DESI2: variants seen among roughly 807,000 people sequenced by gnomAD.
DESI2 encodes desumoylating isopeptidase 2.
DESI2 carries 10 observed loss-of-function variants against 24.1 expected under a neutral mutation model. The ratio of observed to expected loss-of-function variants is 0.41; its 90% CI spans 0.26 to 0.70. The LOEUF (loss-of-function observed/expected upper bound fraction) is 0.70, where lower values mean the gene tolerates loss of function less well. DESI2 is among the 30% of genes least tolerant of loss of function. DESI2 has a pLI of 0.29. For missense variants in DESI2, 122 were observed against 234.9 expected, an observed-to-expected ratio of 0.52 and a Z score of 3.14; for synonymous variants, 71 against 87.7, an observed-to-expected ratio of 0.81 and a Z score of 1.06.
At chr1:244,690,897 G>A (rs1006485097) in intron 3 of DESI2, among the ~76,000 whole-genome samples, 1 of 152,170 alleles carries the variant, frequency 6.6e-6, no homozygotes, top group South Asian at 2.1e-4. Flanking sequence ...TCACTGAATT[G>A]AAAGATTTTC....
intron 1 of DESI2, among the ~76,000 whole-genome samples, chr1:244,663,068 AAAC>A (rs1428115723): frequency 2.6e-5 from 4 of 152,322 alleles, no homozygotes; most frequent in Admixed American, 1.3e-4. Flanking sequence ...ACTAAAGAGA[AAAC>A]AACAAGATTT....
At chr1:244,655,744 C>T (rs1420333434) in intron 1 of DESI2, among the ~76,000 whole-genome samples, 1 of 152,172 alleles carries the variant, frequency 6.6e-6, no homozygotes, top group Non-Finnish European at 1.5e-5. Flanking sequence ...GAACAATTGA[C>T]GTGAACAAAA....
chr1:244,656,921 C>T (rs1214797005), intron 1 of DESI2, among the ~76,000 whole-genome samples: 1 of 152,052 alleles, frequency 6.6e-6, no homozygotes, highest in African/African-American at 2.4e-5. Flanking sequence ...ATTACAGGCA[C>T]CTGCCATCAT....
chr1:244,705,624 T>C lies in DESI2; in HGVS notation c.420T>C (p.Phe140=). Residue 140 remains phenylalanine (F), a synonymous_variant, in exon 5 of 5, where the codon TTT becomes TTC. Transcript: ENST00000302550. ...CCTACTTCAGCTCCTGTATACCCTT[T>C]CTACAGAGTTGCCTCCCGAAGGAGT... ...RLAYFSSCIP[F]LQSCLPKEWL... The C allele has an allele frequency of 6.2e-7, 1 of 1,614,146 alleles. No homozygotes were observed. The highest frequency in any genetic ancestry group is 1.1e-5 in the South Asian group (1 of 91,082).
chr1:244,704,904 G>A (rs537749785), intron 4 of DESI2, among the ~76,000 whole-genome samples: 128 of 152,136 alleles, frequency 8.4e-4, no homozygotes, highest in African/African-American at 2.6e-3. Context: ...GTAATTCACC[G>A]GCCTCAGCCT....
At chr1:244,701,395 G>T (rs1189033320) in intron 4 of DESI2, among the ~76,000 whole-genome samples, 3 of 152,174 alleles carry the variant, frequency 2.0e-5, no homozygotes, top group Non-Finnish European at 4.4e-5. Flanking sequence ...GATCCACAAT[G>T]TTTGGAGAAT....
intron 1 of DESI2, among the ~76,000 whole-genome samples, chr1:244,681,777 T>G (rs899666831): frequency 1.3e-5 from 2 of 152,254 alleles, no homozygotes; most frequent in African/African-American, 4.8e-5. Flanking sequence ...TTAATTTCTT[T>G]TTTATTATCT....
chr1:244,666,502 T>A (rs1296066004), intron 1 of DESI2, among the ~76,000 whole-genome samples: 2 of 152,212 alleles, frequency 1.3e-5, no homozygotes, highest in Non-Finnish European at 2.9e-5. Flanking sequence ...CTTTAATATT[T>A]ATCTCTATTA....
At chr1:244,683,541 G>C (rs1676703483) in intron 1 of DESI2, among the ~76,000 whole-genome samples, 2 of 152,132 alleles carry the variant, frequency 1.3e-5, no homozygotes, top group Admixed American at 1.3e-4. Flanking sequence ...TTGATCTCCT[G>C]ACCTTGTGAT....
intron 4 of DESI2, among the ~76,000 whole-genome samples, chr1:244,703,422 C>T (rs975613869): frequency 6.6e-6 from 1 of 152,144 alleles, no homozygotes; most frequent in African/African-American, 2.4e-5. Flanking sequence ...GTGGCACAGT[C>T]TTGGCTCTCT....
At chr1:244,699,097 C>T (rs1677336832) in intron 4 of DESI2, among the ~76,000 whole-genome samples, 2 of 152,126 alleles carry the variant, frequency 1.3e-5, no homozygotes. Context: ...GTGCACACAC[C>T]TTAGTAAGGC....
At chr1:244,656,694 T>A (rs1234971544) in intron 1 of DESI2, among the ~76,000 whole-genome samples, 1 of 152,270 alleles carries the variant, frequency 6.6e-6, no homozygotes, top group Non-Finnish European at 1.5e-5. Flanking sequence ...TTATCTTGAC[T>A]AATGAATTTT....
chr1:244,657,241 G>A (rs141217475), intron 1 of DESI2, among the ~76,000 whole-genome samples: 14 of 152,328 alleles, frequency 9.2e-5, no homozygotes, highest in Admixed American at 6.5e-4. Flanking sequence ...TCAGGCAGGT[G>A]TGATAGATCC....
chr1:244,692,162 G>C (rs896757538), intron 4 of DESI2, 142 bp downstream of exon 4: 2 of 734,282 alleles, frequency 2.7e-6, no homozygotes, highest in Non-Finnish European at 4.3e-6. Context: ...TTTCAATCTT[G>C]TATGAATGAC....
At chr1:244,659,764 G>A (rs1381779575) in intron 1 of DESI2, among the ~76,000 whole-genome samples, 3 of 152,148 alleles carry the variant, frequency 2.0e-5, no homozygotes, top group African/African-American at 7.2e-5. Context: ...TATGTAACAT[G>A]TTCACAGGTT....
intron 1 of DESI2, among the ~76,000 whole-genome samples, chr1:244,667,979 A>C (rs895096435): frequency 3.9e-5 from 6 of 152,242 alleles, no homozygotes; most frequent in Non-Finnish European, 7.4e-5. Flanking sequence ...CTATTTCATT[A>C]TGAAAGAAAA....
At chr1:244,705,512 T>C (rs1373503324) in intron 4 of DESI2, 44 bp from the exon 5 acceptor site, 1 of 1,530,218 alleles carries the variant, frequency 6.5e-7, no homozygotes, top group Non-Finnish European at 9.0e-7. Context: ...GACCAGGTAA[T>C]CTTAACCTCT....
At chr1:244,667,729 C>T (rs1276412177) in intron 1 of DESI2, among the ~76,000 whole-genome samples, 2 of 152,176 alleles carry the variant, frequency 1.3e-5, no homozygotes, top group African/African-American at 4.8e-5. Flanking sequence ...CCTAACTTTT[C>T]TTCAGTCCTG....
intron 3 of DESI2, among the ~76,000 whole-genome samples, chr1:244,690,033 C>A (rs1198021918): frequency 1.3e-5 from 2 of 152,132 alleles, no homozygotes; most frequent in Admixed American, 6.5e-5. Flanking sequence ...TGTAAGTGTT[C>A]ACTGGAGTCT....
Sources: allele counts gnomAD v4.1 joint callset (sites outside exome capture counted in the v4.1 genomes callset), GRCh38; gene constraint gnomAD v4.1.1; transcripts MANE v1.5; gene names NCBI Gene and HGNC (gene_info 2026-07-23, HGNC 2026-07-21).